The following ZNF451 variants were observed in gnomAD, a reference collection of about 807,000 sequenced individuals.
The protein encoded by ZNF451 is zinc finger protein 451.
A neutral mutation model predicts 107.1 loss-of-function variants in ZNF451; 80 were observed. The observed-to-expected ratio is 0.75, with a 90% CI of 0.62 to 0.90. The LOEUF (loss-of-function observed/expected upper bound fraction) is 0.90, where lower values mean the gene tolerates loss of function less well. ZNF451 is among the 40% of genes least tolerant of loss of function. ZNF451 has a pLI of 0.00. For missense variants in ZNF451, 1,107 were observed against 1,236.2 expected, an observed-to-expected ratio of 0.90 and a Z score of 1.57; for synonymous variants, 362 against 406.5, an observed-to-expected ratio of 0.89 and a Z score of 1.32.
intron 3 of ZNF451, chr6:57,101,954 A>G (rs765858095): frequency 1.2e-4 from 180 of 1,550,456 alleles, no homozygotes; most frequent in Admixed American, 1.2e-4. Flanking sequence ...TATAATCAGC[A>G]TCGATACTTT....
chr6:57,121,303 G>A (rs1830626043), intron 3 of ZNF451, among the ~76,000 whole-genome samples: 1 of 152,162 alleles, frequency 6.6e-6, no homozygotes, highest in African/African-American at 2.4e-5. Flanking sequence ...AAGTTTTGAA[G>A]TCAGTTAGTG....
intron 2 of ZNF451, among the ~76,000 whole-genome samples, chr6:57,093,249 AACAAT>A (rs1194208075): frequency 6.6e-6 from 1 of 152,202 alleles, no homozygotes; most frequent in Non-Finnish European, 1.5e-5. Flanking sequence ...TTGCTAACAA[AACAAT>A]ACAAGAGATT....
chr6:57,160,947 C>G (rs1441035716), intron 13 of ZNF451, 137 bp from the exon 14 acceptor site: 65 of 482,146 alleles, frequency 1.3e-4, no homozygotes, highest in Non-Finnish European at 3.7e-6. Flanking sequence ...TGGAAAAAAC[C>G]TAGTGTGGGA....
At chr6:57,124,694 A>G (rs763615832) in intron 3 of ZNF451, 40 bp from the exon 4 acceptor site, 5 of 1,422,106 alleles carry the variant, frequency 3.5e-6, no homozygotes, top group Non-Finnish European at 4.9e-6. Context: ...TCCAAATGCT[A>G]ATTTTGTTAA....
chr6:57,168,264 C>G (rs1272674657), intron 14 of ZNF451, among the ~76,000 whole-genome samples, 159 bp from the exon 15 acceptor site: 1 of 152,178 alleles, frequency 6.6e-6, no homozygotes, highest in Non-Finnish European at 1.5e-5. Context: ...TTTCAAAATA[C>G]TCAATTTTTT....
chr6:57,103,394 T>C lies in ZNF451; in HGVS notation c.186+4253T>C, dbSNP rs138316875. On this transcript the variant is annotated intron_variant, in intron 3 of 14. Transcript: ENST00000370706. ...TTGGTTACTTAATTTAGTCAGATTC[T>C]TAGTGTAAGAGACAGCTTATCTTTT... 7 of 985,422 alleles carry C rather than the reference T, an allele frequency of 7.1e-6. No individual in the cohort carries two copies. In the East Asian group the frequency reaches 3.4e-4, roughly 48 times the overall value. 61.0% of individuals were successfully genotyped at this position (985,422 alleles called of 1,614,324 possible). A position where few individuals can be genotyped will look rare whatever the true frequency, so the allele number is the denominator to read the frequency against.
intron 4 of ZNF451, among the ~76,000 whole-genome samples, 162 bp from the exon 5 acceptor site, chr6:57,128,567 C>T (rs368967724): frequency 5.9e-5 from 9 of 152,062 alleles, no homozygotes; most frequent in East Asian, 1.9e-4. Flanking sequence ...CATCTTAGAG[C>T]GTGCATTTTT....
In ZNF451 at chr6:57,148,577, A is replaced by G. The variant is rs780449965; in HGVS notation, c.2492A>G (p.Tyr831Cys). 1.2e-6 allele frequency: 2 copies of G among 1,614,064 alleles called. No homozygotes were observed. The highest frequency in any genetic ancestry group is 1.3e-5 in the African/African-American group (1 of 74,952). Residue 831 changes from tyrosine to cysteine, a missense_variant, in exon 10 of 15, where the codon TAC becomes TGC. This residue lies in a region of ZNF451 where 608 missense variants were observed against 649.2 expected (regional missense o/e 0.94). Transcript: ENST00000370706. ...TTTGGATCTGAAAAATCAAACCTGTACAAGTTTACTGCTAGTGCCTCACAT... is the reference window on the plus strand; with the variant it reads ...TTTGGATCTGAAAAATCAAACCTGTGCAAGTTTACTGCTAGTGCCTCACAT... ...AHFGSEKSNL[Y>C]KFTASASHTE...
chr6:57,099,998 A>C (rs1213224174), intron 3 of ZNF451, among the ~76,000 whole-genome samples: 1 of 152,162 alleles, frequency 6.6e-6, no homozygotes, highest in Admixed American at 6.5e-5. Flanking sequence ...AATAATACCT[A>C]CCTCACAGGG....
In ZNF451 at chr6:57,148,134, G is replaced by T; in HGVS notation, c.2049G>T (p.Leu683=). The T allele has an allele frequency of 6.2e-7, 1 of 1,614,054 alleles. No homozygotes were observed. Among genetic ancestry groups the T allele is most frequent in the South Asian group, 1.1e-5 (1 of 91,064 alleles). Residue 683 remains leucine, a synonymous_variant, in exon 10 of 15, where the codon CTG becomes CTT. Coordinates refer to ENST00000370706, the MANE Select transcript of ZNF451 (RefSeq NM_001031623.3). ...TCTTTAATGTGGAAGAAGCATTTCT[G>T]AGTCATTATGAGGAGCACCACAGCA... ...DLIFNVEEAF[L]SHYEEHHSID...
intron 3 of ZNF451, among the ~76,000 whole-genome samples, chr6:57,114,015 G>T (rs1295814063): frequency 6.6e-6 from 1 of 152,172 alleles, no homozygotes; most frequent in Admixed American, 6.5e-5. Context: ...AGAGTGAATT[G>T]TTCAAGAAAT....
Position 57,161,114 on chromosome 6 carries a change from A to G in ZNF451, c.3101A>G (p.Lys1034Arg), listed in dbSNP as rs1763653764. ...GACAGTGATGATAACATGGGTGCCA[A>G]AAATACTTCAATAGGAGAAGAATTT... is the stretch of plus-strand genomic sequence containing the variant. ...ECDSDDNMGA[K>R]NTSIGEEFIS... Residue 1034 changes from lysine to arginine, a missense_variant, in exon 14 of 15, where the codon AAA becomes AGA. This residue lies in a region of ZNF451 where 151 missense variants were observed against 173.3 expected (regional missense o/e 0.87). Coordinates refer to ENST00000370706, the MANE Select transcript of ZNF451 (RefSeq NM_001031623.3). 2 of 1,563,868 alleles carry G rather than the reference A, an allele frequency of 1.3e-6. No individual in the cohort carries two copies. Among genetic ancestry groups the G allele is most frequent in the Non-Finnish European group, 1.7e-6 (2 of 1,160,286 alleles).
At chr6:57,118,696 C>A (rs1029924142) in intron 3 of ZNF451, among the ~76,000 whole-genome samples, 2 of 151,932 alleles carry the variant, frequency 1.3e-5, no homozygotes, top group African/African-American at 4.8e-5. Context: ...GTTAGCTGGG[C>A]TGGTCTCCAA....
At chr6:57,094,193 A>G (rs1214255779) in intron 2 of ZNF451, among the ~76,000 whole-genome samples, 1 of 152,238 alleles carries the variant, frequency 6.6e-6, no homozygotes, top group Non-Finnish European at 1.5e-5. Context: ...AAAACTTAGA[A>G]TATTGGTTTA....
intron 7 of ZNF451, among the ~76,000 whole-genome samples, chr6:57,137,070 G>A (rs1365144654): frequency 1.3e-5 from 2 of 152,176 alleles, no homozygotes; most frequent in Non-Finnish European, 2.9e-5. Context: ...GTACGAGATT[G>A]TTAAGAGAAA....
chr6:57,102,644 T>C (rs1829661771), intron 3 of ZNF451: 2 of 985,506 alleles, frequency 2.0e-6, no homozygotes, highest in Admixed American at 6.1e-5. Flanking sequence ...TCCGTACTAC[T>C]ATCAAGCTCT....
intron 9 of ZNF451, among the ~76,000 whole-genome samples, chr6:57,146,731 C>T (rs1045782986): frequency 6.6e-6 from 1 of 152,004 alleles, no homozygotes; most frequent in Non-Finnish European, 1.5e-5. Flanking sequence ...GAATCTTAAC[C>T]ATAGTGTTCT....
chr6:57,099,203 A>G, intron 3 of ZNF451, 62 bp downstream of exon 3: 1 of 1,305,154 alleles, frequency 7.7e-7, no homozygotes. Flanking sequence ...TATTCTCTAA[A>G]GAGAGTTACC....
intron 5 of ZNF451, among the ~76,000 whole-genome samples, chr6:57,132,625 G>GTAACCTCAAAT (rs1562610952): frequency 6.6e-6 from 1 of 151,882 alleles, no homozygotes; most frequent in Non-Finnish European, 1.5e-5. Context: ...AATGAAGGGA[G>GTAACCTCAAAT]TAGGGGCGTA....
Sources: allele counts gnomAD v4.1 joint callset (sites outside exome capture counted in the v4.1 genomes callset), GRCh38; gene constraint gnomAD v4.1.1; regional missense constraint gnomAD v4.1.1; transcripts MANE v1.5; gene names NCBI Gene and HGNC (gene_info 2026-07-23, HGNC 2026-07-21).